PLD1: variants seen among roughly 807,000 people sequenced by gnomAD.
PLD1 encodes the protein choline phosphatase 1.
Under a neutral mutation model 137.1 loss-of-function variants are expected in PLD1, and 112 were observed. The ratio of observed to expected loss-of-function variants is 0.82; its 90% CI spans 0.70 to 0.96. PLD1 has a LOEUF of 0.96. Ranked by LOEUF, PLD1 falls within the 40% of genes least tolerant of loss-of-function variation. PLD1 has a pLI of 0.00. For synonymous variants in PLD1, 431 were observed against 454.7 expected (o/e 0.95, Z 0.66); for missense variants, 1,321 against 1,342.0 (o/e 0.98, Z 0.24).
chr3:171,653,671 G>A (rs1026218380), intron 21 of PLD1: 1 of 148,506 alleles, frequency 6.7e-6, no homozygotes, highest in Non-Finnish European at 1.5e-5. Flanking sequence ...TTTTGAAACA[G>A]CTGATTTGAA....
intron 23 of PLD1, among the ~76,000 whole-genome samples, chr3:171,622,667 T>C (rs1035974781): frequency 6.6e-6 from 1 of 150,732 alleles, no homozygotes; most frequent in Non-Finnish European, 1.5e-5. Flanking sequence ...TTTATATGCA[T>C]ATGTGGGTAT....
chr3:171,737,066 G>C (rs1719415018), intron 3 of PLD1, among the ~76,000 whole-genome samples: 1 of 152,226 alleles, frequency 6.6e-6, no homozygotes, highest in Non-Finnish European at 1.5e-5. Flanking sequence ...TGAGGTAATG[G>C]CACTGGCCGA....
chr3:171,738,318 A>G (rs1719535124), intron 1 of PLD1, among the ~76,000 whole-genome samples: 1 of 152,110 alleles, frequency 6.6e-6, no homozygotes, highest in East Asian at 1.9e-4. Flanking sequence ...AAAAAAGAAA[A>G]AAAAAAGCAA....
chr3:171,775,715 C>T (rs554024131), intron 1 of PLD1, among the ~76,000 whole-genome samples: 1 of 152,192 alleles, frequency 6.6e-6, no homozygotes, highest in African/African-American at 2.4e-5. Context: ...TGGTGGCACA[C>T]ATCTGTAATC....
intron 1 of PLD1, among the ~76,000 whole-genome samples, chr3:171,772,012 T>C (rs984550334): frequency 6.6e-6 from 1 of 152,232 alleles, no homozygotes; most frequent in Admixed American, 6.5e-5. Context: ...CCTTTTAAAA[T>C]GGAACTTAAT....
intron 1 of PLD1, among the ~76,000 whole-genome samples, chr3:171,780,557 A>G (rs553912257): frequency 2.0e-5 from 3 of 151,934 alleles, no homozygotes; most frequent in Non-Finnish European, 4.4e-5. Flanking sequence ...AAAAAATGCC[A>G]GTGGGGTAGT....
chr3:171,703,520 T>C lies in PLD1; in HGVS notation c.1146-3694A>G, dbSNP rs148267514. ...TATAAGGTAAATACACAAAAATCAATTGCATTTCTAGTTCTGTATGGAAAA... is the reference window on the plus strand; with the variant it reads ...TATAAGGTAAATACACAAAAATCAACTGCATTTCTAGTTCTGTATGGAAAA... On this transcript the variant is annotated intron_variant, in intron 11 of 26. Transcript: ENST00000351298. 1.4e-3 allele frequency among the ~76,000 whole-genome samples: 209 copies of C among 152,246 alleles called. 3 individuals carry two copies. Among genetic ancestry groups the C allele is most frequent in the African/African-American group, 4.8e-3 (199 of 41,544 alleles).
chr3:171,608,801 C>G (rs1732415480), intron 25 of PLD1, among the ~76,000 whole-genome samples: 1 of 152,046 alleles, frequency 6.6e-6, no homozygotes, highest in Admixed American at 6.6e-5. Context: ...AAACAAGCAC[C>G]AGGAGAAGAC....
chr3:171,803,348 A>G (rs1723721198), intron 1 of PLD1, among the ~76,000 whole-genome samples: 1 of 152,204 alleles, frequency 6.6e-6, no homozygotes, highest in African/African-American at 2.4e-5. Flanking sequence ...TTTGGTCATA[A>G]TGAGAAAGAA....
chr3:171,743,884 C>T (rs754970659), intron 1 of PLD1, among the ~76,000 whole-genome samples: 3 of 152,096 alleles, frequency 2.0e-5, no homozygotes, highest in Non-Finnish European at 2.9e-5. Context: ...CCACTCAATA[C>T]GTTTGTTGAT....
At chr3:171,665,086 GCT>G (rs1481486402) in intron 19 of PLD1, among the ~76,000 whole-genome samples, 2 of 152,068 alleles carry the variant, frequency 1.3e-5, no homozygotes, top group Non-Finnish European at 2.9e-5. Flanking sequence ...CTCAAAATTT[GCT>G]CTGACTCAAT....
chr3:171,752,017 A>AG (rs1243637366), intron 1 of PLD1, among the ~76,000 whole-genome samples: 1 of 151,916 alleles, frequency 6.6e-6, no homozygotes, highest in South Asian at 2.1e-4. Flanking sequence ...AAAAAAAAAA[A>AG]GAAAGAAAGA....
chr3:171,727,827 TA>T (rs1298677667), intron 6 of PLD1, among the ~76,000 whole-genome samples: 2 of 151,764 alleles, frequency 1.3e-5, no homozygotes, highest in Non-Finnish European at 2.9e-5. Context: ...ACTACTCTTG[TA>T]AAAAAAAATT....
chr3:171,677,872 G>A, intron 16 of PLD1, 178 bp from the exon 17 acceptor site: 1 of 511,188 alleles, frequency 2.0e-6, no homozygotes, highest in Non-Finnish European at 3.4e-6. Context: ...GTCCTTACAA[G>A]TTTACTTTTA....
intron 11 of PLD1, among the ~76,000 whole-genome samples, chr3:171,706,221 T>C (rs996543921): frequency 6.6e-6 from 1 of 152,018 alleles, no homozygotes; most frequent in Admixed American, 6.5e-5. Flanking sequence ...ACTTACATTG[T>C]ACCCTTTCTT....
Position 171,793,052 on chromosome 3 carries a change from G to A in PLD1, c.-32+17347C>T, listed in dbSNP as rs148940176. On this transcript the variant is annotated intron_variant, in intron 1 of 26. Transcript: ENST00000351298. ...GGGAACACAAACCAGTGAAATTTGC[G>A]TGATCTCCACTGACTAGACATCATT... 55 of 242,914 alleles carry A rather than the reference G, an allele frequency of 2.3e-4. No individual in the cohort carries two copies. The Middle Eastern group carries it at 4.3e-3, about 19-fold the overall frequency. 15.0% of individuals were successfully genotyped at this position (242,914 alleles called of 1,614,324 possible). A position where few individuals can be genotyped will look rare whatever the true frequency, so the allele number is the denominator to read the frequency against.
chr3:171,755,590 C>G (rs760174704), intron 1 of PLD1, among the ~76,000 whole-genome samples: 1 of 152,160 alleles, frequency 6.6e-6, no homozygotes, highest in South Asian at 2.1e-4. Context: ...TATTCTTTCT[C>G]ACTCTTCTCA....
chr3:171,629,993 A>G (rs546120714), intron 23 of PLD1, among the ~76,000 whole-genome samples: 3 of 152,354 alleles, frequency 2.0e-5, no homozygotes, highest in African/African-American at 4.8e-5. Flanking sequence ...CAATAGCAAC[A>G]AAAGCCAAAA....
At chr3:171,704,053 T>C (rs954666857) in intron 11 of PLD1, among the ~76,000 whole-genome samples, 6 of 152,166 alleles carry the variant, frequency 3.9e-5, no homozygotes, top group East Asian at 1.9e-4. Context: ...AAACTAAAAA[T>C]TGGGGAGAGG....
Sources: gnomAD v4.1 joint callset for allele counts (sites outside exome capture counted in the v4.1 genomes callset) on GRCh38, gnomAD v4.1.1 for gene constraint, MANE v1.5 for transcripts, NCBI Gene and HGNC (gene_info 2026-07-23, HGNC 2026-07-21) for gene names.